Variants in FGF12 observed in about 807,000 individuals in gnomAD.
FGF12 encodes the protein fibroblast growth factor 12B.
A neutral mutation model predicts 23.6 loss-of-function variants in FGF12; 14 were observed. That is an observed-to-expected ratio of 0.59 (90% CI 0.39 to 0.93). FGF12 has a LOEUF of 0.93. FGF12 is among the 40% of genes least tolerant of loss of function. FGF12 has a pLI of 0.00. For missense variants in FGF12, 175 were observed against 217.8 expected (o/e 0.80, Z 1.24); for synonymous variants, 62 against 77.3 (o/e 0.80, Z 1.04).
rs144675090 is a variant in FGF12, at chr3:192,475,304, T to C, written c.14-114766A>G. 1.8e-4 allele frequency among the ~76,000 whole-genome samples: 28 copies of C among 152,300 alleles called. No homozygotes were observed. In the East Asian group the frequency reaches 4.1e-3, roughly 22 times the overall value. ...ATTAGTAAGGATTAAGGATAGGTTG[T>C]TCCTGAGCCTTTCCAGAGCTTCCGC... On this transcript the variant is annotated intron_variant, in intron 2 of 5. Coordinates refer to ENST00000445105, the MANE Select transcript of FGF12 (RefSeq NM_004113.6).
intron 2 of FGF12, among the ~76,000 whole-genome samples, chr3:192,399,509 T>A (rs754223835): frequency 1.3e-5 from 2 of 152,192 alleles, no homozygotes; most frequent in Non-Finnish European, 2.9e-5. Context: ...ACAGAAGAGA[T>A]CATCATTATA....
intron 2 of FGF12, among the ~76,000 whole-genome samples, chr3:192,579,901 C>G (rs1400619293): frequency 1.3e-5 from 2 of 152,098 alleles, no homozygotes; most frequent in Non-Finnish European, 2.9e-5. Flanking sequence ...GCCTCAAGCT[C>G]AGTATTCCTT....
At chr3:192,392,153 C>A (rs1185582867) in intron 2 of FGF12, among the ~76,000 whole-genome samples, 2 of 152,108 alleles carry the variant, frequency 1.3e-5, no homozygotes, top group African/African-American at 4.8e-5. Context: ...TTTTGTTTCT[C>A]AGAAGACTTG....
chr3:192,723,423 C>T (rs2108748492), intron 2 of FGF12, among the ~76,000 whole-genome samples: 1 of 75,098 alleles, frequency 1.3e-5, no homozygotes, highest in East Asian at 3.7e-4. Flanking sequence ...TTCTCAGGTG[C>T]AATCAGTTCC....
At position 192,469,189 on chromosome 3, in the gene FGF12, C is replaced by A. The variant is rs79978846; in HGVS notation, c.14-108651G>T. The stretch of plus-strand genomic sequence containing the variant: ...TCCCCAGCGCTGCAATCTAGCACTT[C>A]TCTAAGGTGTCCTGGCTCTTTTTAT... On this transcript the variant is annotated intron_variant, in intron 2 of 5. Transcript: ENST00000445105. Among the ~76,000 whole-genome samples the A allele has an allele frequency of 9.8e-3, 1,496 of 152,268 alleles. 21 individuals are homozygous for A. The highest frequency in any genetic ancestry group is 0.033 in the African/African-American group (1,373 of 41,542).
At chr3:192,676,981 A>G (rs1717346867) in intron 2 of FGF12, among the ~76,000 whole-genome samples, 1 of 152,148 alleles carries the variant, frequency 6.6e-6, no homozygotes, top group African/African-American at 2.4e-5. Flanking sequence ...GCCCTAGAAA[A>G]CGAATTCGGT....
chr3:192,640,790 C>CTTTT (rs34132622), intron 2 of FGF12, among the ~76,000 whole-genome samples: 3,376 of 122,176 alleles, frequency 0.028, 43 homozygotes, highest in Middle Eastern at 0.08. Flanking sequence ...GTTAAAACCC[C>CTTTT]TTTTTTTTGT....
intron 4 of FGF12, among the ~76,000 whole-genome samples, chr3:192,309,529 T>C (rs994636855): frequency 1.1e-4 from 16 of 152,186 alleles, no homozygotes; most frequent in African/African-American, 3.4e-4. Context: ...GAGACAAAAG[T>C]ACAAACTCAA....
intron 2 of FGF12, among the ~76,000 whole-genome samples, chr3:192,493,690 A>C (rs1157025848): frequency 6.6e-6 from 1 of 152,132 alleles, no homozygotes; most frequent in African/African-American, 2.4e-5. Flanking sequence ...AGTAATTCAC[A>C]CGGCCAGACC....
intron 2 of FGF12, among the ~76,000 whole-genome samples, chr3:192,502,156 A>G (rs1189329085): frequency 1.3e-5 from 2 of 152,182 alleles, no homozygotes; most frequent in African/African-American, 2.4e-5. Flanking sequence ...GAGTCTTTCT[A>G]ATCATACAAA....
chr3:192,181,680 G>GAGT (rs149176443), intron 4 of FGF12, among the ~76,000 whole-genome samples: 2,499 of 150,510 alleles, frequency 0.017, 40 homozygotes, highest in Admixed American at 0.033. Context: ...GCCCAGACTG[G>GAGT]AGTGCAGTAG....
chr3:192,598,614 C>A (rs944741617), intron 2 of FGF12, among the ~76,000 whole-genome samples: 3 of 152,142 alleles, frequency 2.0e-5, no homozygotes, highest in Non-Finnish European at 2.9e-5. Context: ...TGTTTAAATG[C>A]AGGTTCTGCA....
chr3:192,184,787 G>A (rs750750857), intron 4 of FGF12, among the ~76,000 whole-genome samples: 20 of 152,288 alleles, frequency 1.3e-4, no homozygotes, highest in East Asian at 9.6e-4. Flanking sequence ...AAATGAAATC[G>A]TTCTCCAAAC....
At chr3:192,187,956 G>A (rs1457116893) in intron 4 of FGF12, among the ~76,000 whole-genome samples, 3 of 152,144 alleles carry the variant, frequency 2.0e-5, no homozygotes, top group Non-Finnish European at 4.4e-5. Context: ...ATTAGGAAAT[G>A]AGAACGGAAA....
intron 2 of FGF12, among the ~76,000 whole-genome samples, chr3:192,401,990 G>T (rs1046883961): frequency 2.0e-5 from 3 of 152,148 alleles, no homozygotes; most frequent in African/African-American, 7.2e-5. Flanking sequence ...TTACAAATCA[G>T]CAAACTGAGG....
At chr3:192,511,005 T>A (rs1359125955) in intron 2 of FGF12, among the ~76,000 whole-genome samples, 4 of 152,124 alleles carry the variant, frequency 2.6e-5, no homozygotes, top group Non-Finnish European at 5.9e-5. Flanking sequence ...TATAGGATCG[T>A]TGAGGTTTTT....
At chr3:192,549,867 G>A (rs1474911849) in intron 2 of FGF12, among the ~76,000 whole-genome samples, 1 of 152,074 alleles carries the variant, frequency 6.6e-6, no homozygotes, top group Non-Finnish European at 1.5e-5. Context: ...TACACCATTA[G>A]CATTCCTGGT....
chr3:192,530,252 A>G (rs950146189), intron 2 of FGF12, among the ~76,000 whole-genome samples: 1 of 152,084 alleles, frequency 6.6e-6, no homozygotes, highest in African/African-American at 2.4e-5. Context: ...CAACCCTTAC[A>G]TTTACTGGAT....
intron 4 of FGF12, among the ~76,000 whole-genome samples, chr3:192,224,577 G>A (rs1207512447): frequency 6.6e-6 from 1 of 151,616 alleles, no homozygotes; most frequent in African/African-American, 2.4e-5. Flanking sequence ...TTTAATTTGG[G>A]CTTTTCTTCC....
Sources: gnomAD v4.1 joint callset for allele counts (sites outside exome capture counted in the v4.1 genomes callset) on GRCh38, gnomAD v4.1.1 for gene constraint, MANE v1.5 for transcripts, NCBI Gene and HGNC (gene_info 2026-07-23, HGNC 2026-07-21) for gene names.